The following KCTD16 variants were observed in gnomAD, a reference collection of about 807,000 sequenced individuals.
KCTD16 encodes the protein potassium channel tetramerization domain containing 16.
KCTD16 carries 13 observed loss-of-function variants against 33.2 expected under a neutral mutation model. That is an observed-to-expected ratio of 0.39 (90% CI 0.25 to 0.62). The LOEUF is 0.62. KCTD16 is among the 20% of genes least tolerant of loss of function. The pLI, the probability that KCTD16 is intolerant of heterozygous loss-of-function variation, is 0.50. For synonymous variants in KCTD16, 197 were observed against 195.3 expected (o/e 1.01, Z -0.07); for missense variants, 441 against 525.1 (o/e 0.84, Z 1.57).
intron 3 of KCTD16, among the ~76,000 whole-genome samples, chr5:144,381,016 C>T (rs925295411): frequency 4.6e-5 from 7 of 152,086 alleles, no homozygotes; most frequent in African/African-American, 1.4e-4. Flanking sequence ...AGTAAACAGA[C>T]AACCTATAGA....
chr5:144,455,538 A>C (rs949034271), intron 3 of KCTD16, among the ~76,000 whole-genome samples: 3 of 152,206 alleles, frequency 2.0e-5, no homozygotes, highest in Non-Finnish European at 4.4e-5. Flanking sequence ...GGGGCAAGAC[A>C]CAACTACTGT....
At chr5:144,365,418 G>C (rs1045613869) in intron 3 of KCTD16, among the ~76,000 whole-genome samples, 9 of 151,978 alleles carry the variant, frequency 5.9e-5, no homozygotes, top group Non-Finnish European at 1.2e-4. Flanking sequence ...GTGTTCTCAA[G>C]TTAGTAAAAG....
In KCTD16 at chr5:144,485,281, AGCCC is replaced by A. The variant is rs1754781842; in HGVS notation, c.*11168_*11171del. ...GAAGGCAACCGCCTATAGATGGAAC[AGCCC>A]TGAGCAACATATAAATATATACATA... On this transcript the variant is annotated 3_prime_UTR_variant, in exon 4 of 4. Transcript: ENST00000512467. 1 of 152,104 alleles carries A rather than the reference AGCCC, an allele frequency of 6.6e-6. No individual in the cohort carries two copies. The highest frequency in any genetic ancestry group is 2.1e-4 in the South Asian group (1 of 4,834). 9.4% of individuals were successfully genotyped at this position (152,104 alleles called of 1,614,324 possible). A position where few individuals can be genotyped will look rare whatever the true frequency, so the allele number is the denominator to read the frequency against.
intron 3 of KCTD16, among the ~76,000 whole-genome samples, chr5:144,324,718 A>G (rs1752157122): frequency 6.6e-6 from 1 of 152,234 alleles, no homozygotes; most frequent in Admixed American, 6.5e-5. Flanking sequence ...AATGTGTTAC[A>G]TATACATCAT....
chr5:144,361,493 CA>C (rs1346013766), intron 3 of KCTD16, among the ~76,000 whole-genome samples: 1 of 152,126 alleles, frequency 6.6e-6, no homozygotes, highest in Admixed American at 6.5e-5. Context: ...GTATTATGTC[CA>C]CTTCAAGTCT....
At chr5:144,447,039 C>T (rs981520564) in intron 3 of KCTD16, among the ~76,000 whole-genome samples, 1 of 152,072 alleles carries the variant, frequency 6.6e-6, no homozygotes, top group African/African-American at 2.4e-5. Flanking sequence ...CCATCTGACC[C>T]AGCAATCCCA....
intron 3 of KCTD16, among the ~76,000 whole-genome samples, chr5:144,221,443 G>T (rs1018098216): frequency 3.3e-5 from 5 of 152,036 alleles, no homozygotes; most frequent in African/African-American, 1.2e-4. Context: ...ACAGGCCCCA[G>T]TGTGTGATGA....
intron 3 of KCTD16, among the ~76,000 whole-genome samples, chr5:144,385,469 TC>T (rs1168145616): frequency 6.6e-6 from 1 of 152,198 alleles, no homozygotes; most frequent in Non-Finnish European, 1.5e-5. Flanking sequence ...AGTGGTTTCT[TC>T]ATTGACAGTG....
chr5:144,247,848 C>G (rs1016743609), intron 3 of KCTD16, among the ~76,000 whole-genome samples: 3 of 152,226 alleles, frequency 2.0e-5, no homozygotes, highest in Admixed American at 2.0e-4. Flanking sequence ...TCTCTCAGGA[C>G]TTCCTCCTAC....
chr5:144,216,849 A>C (rs1471709707), intron 3 of KCTD16, among the ~76,000 whole-genome samples: 4 of 147,264 alleles, frequency 2.7e-5, no homozygotes, highest in African/African-American at 1.1e-4. Context: ...GTCTGGAAAA[A>C]AAAAAAAAAA....
intron 3 of KCTD16, among the ~76,000 whole-genome samples, chr5:144,360,089 T>C (rs1751671151): frequency 1.3e-5 from 2 of 152,128 alleles, no homozygotes; most frequent in African/African-American, 4.8e-5. Context: ...AGCGTGACCA[T>C]CATTCTTTTT....
intron 3 of KCTD16, among the ~76,000 whole-genome samples, chr5:144,346,490 A>T (rs1394096833): frequency 6.6e-6 from 1 of 152,020 alleles, no homozygotes; most frequent in Non-Finnish European, 1.5e-5. Flanking sequence ...TACACCGAAG[A>T]TTCCCTTTTC....
intron 3 of KCTD16, among the ~76,000 whole-genome samples, chr5:144,268,338 C>T (rs143244681): frequency 6.6e-6 from 1 of 152,214 alleles, no homozygotes; most frequent in South Asian, 2.1e-4. Context: ...AGCCCTTCCC[C>T]CTCCATCTGA....
chr5:144,386,842 A>G (rs2126935263), intron 3 of KCTD16, among the ~76,000 whole-genome samples: 1 of 152,364 alleles, frequency 6.6e-6, no homozygotes, highest in South Asian at 2.1e-4. Flanking sequence ...AGGCTCCATC[A>G]GTCTGAATGT....
chr5:144,361,313 T>A (rs1384098720), intron 3 of KCTD16, among the ~76,000 whole-genome samples: 4 of 152,144 alleles, frequency 2.6e-5, no homozygotes, highest in Non-Finnish European at 4.4e-5. Context: ...AAATGGTATT[T>A]CTGGTTCTAG....
chr5:144,241,401 C>T (rs1347920338), intron 3 of KCTD16, among the ~76,000 whole-genome samples: 2 of 152,204 alleles, frequency 1.3e-5, no homozygotes, highest in African/African-American at 4.8e-5. Flanking sequence ...AGTCACTCTT[C>T]TTCTCACAAG....
intron 3 of KCTD16, among the ~76,000 whole-genome samples, chr5:144,370,302 G>A (rs189579384): frequency 7.9e-5 from 12 of 152,294 alleles, no homozygotes; most frequent in Non-Finnish European, 1.3e-4. Context: ...TGGATCAAGC[G>A]TGAATGCCTT....
chr5:144,453,254 A>G (rs1753987084), intron 3 of KCTD16, among the ~76,000 whole-genome samples: 1 of 152,082 alleles, frequency 6.6e-6, no homozygotes. Context: ...CTGACACGTC[A>G]GAGTCCCCTG....
At chr5:144,318,285 A>T (rs1163894643) in intron 3 of KCTD16, among the ~76,000 whole-genome samples, 1 of 152,170 alleles carries the variant, frequency 6.6e-6, no homozygotes. Context: ...ATATATTAGT[A>T]CACACTTTGA....
Sources: gnomAD v4.1 joint callset for allele counts (sites outside exome capture counted in the v4.1 genomes callset) on GRCh38, gnomAD v4.1.1 for gene constraint, MANE v1.5 for transcripts, NCBI Gene and HGNC (gene_info 2026-07-23, HGNC 2026-07-21) for gene names.